The following SLC2A14 variants were observed in gnomAD, a reference collection of about 807,000 sequenced individuals.
SLC2A14 encodes solute carrier family 2, facilitated glucose transporter member 14.
Under a neutral mutation model 43.0 loss-of-function variants are expected in SLC2A14, and 13 were observed. The observed-to-expected ratio is 0.30, with a 90% CI of 0.20 to 0.48. The LOEUF is 0.48. SLC2A14 is among the 20% of genes least tolerant of loss of function. SLC2A14 has a pLI of 0.99. For synonymous variants in SLC2A14, 190 were observed against 233.8 expected (o/e 0.81, Z 1.71); for missense variants, 428 against 620.4 (o/e 0.69, Z 3.29).
chr12:7,890,880 C>G lies in SLC2A14; in HGVS notation c.132+116G>C, dbSNP rs948101529. On this transcript the variant is annotated intron_variant, in intron 1 of 9. Coordinates refer to the SLC2A14 transcript ENST00000539924. ...GTCTTGGTGGCCTTGACAGCCCCCA[C>G]TTAACACACTGTGCTGATTAAGAGA... 6 of 1,223,790 alleles carry G rather than the reference C, an allele frequency of 4.9e-6. No individual in the cohort carries two copies. The African/African-American group carries it at 7.6e-5, about 16-fold the overall frequency. The allele number at this position is 1,223,790 out of a possible 1,614,324, so 75.8% of individuals were successfully genotyped here. A position where few individuals can be genotyped will look rare whatever the true frequency, so the allele number is the denominator to read the frequency against.
intron 1 of SLC2A14, among the ~76,000 whole-genome samples, chr12:7,888,665 G>T (rs1022851369): frequency 1.3e-5 from 2 of 151,900 alleles, no homozygotes; most frequent in East Asian, 3.9e-4. Context: ...AGGCGTGGTG[G>T]TGCATGCCTG....
chr12:7,829,197 G>A (rs1592179366), intron 5 of SLC2A14, among the ~76,000 whole-genome samples: 1 of 152,078 alleles, frequency 6.6e-6, no homozygotes, highest in Non-Finnish European at 1.5e-5. Context: ...GGGCGACAGA[G>A]TGAGACTCCG....
At chr12:7,824,150 G>A (rs1012016935) in intron 7 of SLC2A14, among the ~76,000 whole-genome samples, 2 of 151,978 alleles carry the variant, frequency 1.3e-5, no homozygotes, top group Non-Finnish European at 2.9e-5. Context: ...CAGCTACTCA[G>A]GAGGCTGAGA....
intron 7 of SLC2A14, among the ~76,000 whole-genome samples, chr12:7,825,114 G>A (rs1864227769): frequency 6.6e-6 from 1 of 152,092 alleles, no homozygotes; most frequent in African/African-American, 2.4e-5. Context: ...ATGATTATAT[G>A]TGGAGCAAAA....
chr12:7,881,604 CG>C (rs1196342798), intron 1 of SLC2A14, among the ~76,000 whole-genome samples: 2 of 152,142 alleles, frequency 1.3e-5, no homozygotes, highest in African/African-American at 4.8e-5. Context: ...CCGACAAGCG[CG>C]GCCTCCTGCT....
At position 7,885,110 on chromosome 12, in the gene SLC2A14, T is replaced by A. The variant is rs1465020560; in HGVS notation, c.132+5886A>T. 2.6e-5 allele frequency among the ~76,000 whole-genome samples: 4 copies of A among 152,264 alleles called. No individual in the cohort carries two copies. In the East Asian group the frequency reaches 7.7e-4, roughly 29 times the overall value. ...AAAAGCCTTTAGTTAGAGTACAATC[T>A]GACAAATCCAAAGCTGAACCATGAG... On this transcript the variant is annotated intron_variant, in intron 1 of 9. Coordinates refer to the SLC2A14 transcript ENST00000539924.
chr12:7,869,411 C>T lies in SLC2A14; in HGVS notation c.18+452G>A, dbSNP rs956972698. Among the ~76,000 whole-genome samples the T allele has an allele frequency of 2.4e-4, 37 of 152,158 alleles. 1 individual carries two copies. Among genetic ancestry groups the T allele is most frequent in the Non-Finnish European group, 4.4e-5 (3 of 68,022 alleles). On this transcript the variant is annotated intron_variant, in intron 2 of 10. Coordinates refer to ENST00000431042, the MANE Select transcript of SLC2A14 (RefSeq NM_001286234.2). ...CTGAATACATTTTCTTGATCTTTATCACAGTATGCAAGTACAATGACTCAG... is the reference window on the plus strand; with the variant it reads ...CTGAATACATTTTCTTGATCTTTATTACAGTATGCAAGTACAATGACTCAG...
intron 1 of SLC2A14, among the ~76,000 whole-genome samples, chr12:7,880,630 C>T (rs1945551105): frequency 6.8e-6 from 1 of 147,100 alleles, no homozygotes; most frequent in Non-Finnish European, 1.5e-5. Context: ...AGATCGAGAC[C>T]ATCCTGGCCA....
chr12:7,860,309 G>C (rs1944475546), intron 2 of SLC2A14: 1 of 152,218 alleles, frequency 6.6e-6, no homozygotes, highest in Non-Finnish European at 1.5e-5. Context: ...GAAGATAAAA[G>C]GAAAGGAAAT....
chr12:7,875,174 A>AAATATATATATTTAAT (rs1945439090), upstream of SLC2A14, among the ~76,000 whole-genome samples: 3 of 12,100 alleles, frequency 2.5e-4, no homozygotes, highest in Non-Finnish European at 7.8e-4. Context: ...ATATTTAATT[A>AAATATATATATTTAAT]TATATAATAT....
rs1412826171 is a variant in SLC2A14, at chr12:7,813,804, AAAAT to A, written c.*508_*511del. ...TATTATTTGGCAAAATTACACTTAA[AAAAT>A]AAATATTTATGTAATTAAACCAGAG... On this transcript the variant is annotated 3_prime_UTR_variant, in exon 11 of 11. Transcript: ENST00000431042. 6.4e-6 allele frequency: 1 copy of A among 155,944 alleles called. No individual in the cohort carries two copies. The highest frequency in any genetic ancestry group is 1.4e-5 in the Non-Finnish European group (1 of 69,958). The allele number at this position is 155,944 out of a possible 1,614,324, so 9.7% of individuals were successfully genotyped here.
At chr12:7,859,106 A>G (rs1323190511) in intron 2 of SLC2A14, among the ~76,000 whole-genome samples, 2 of 152,100 alleles carry the variant, frequency 1.3e-5, no homozygotes, top group Non-Finnish European at 2.9e-5. Flanking sequence ...TCAGTTGAAC[A>G]GGCTGGGCGT....
intron 2 of SLC2A14, among the ~76,000 whole-genome samples, chr12:7,840,629 G>A (rs182433488): frequency 7.9e-5 from 12 of 152,202 alleles, no homozygotes; most frequent in South Asian, 2.1e-4. Context: ...CAGGTGATCC[G>A]CCCACCTGGG....
At chr12:7,852,414 A>T (rs1208585607) in intron 2 of SLC2A14, among the ~76,000 whole-genome samples, 1 of 152,200 alleles carries the variant, frequency 6.6e-6, no homozygotes, top group East Asian at 1.9e-4. Context: ...TAGAAAGATT[A>T]TTCACAGATG....
intron 3 of SLC2A14, 87 bp from the exon 4 acceptor site, chr12:7,831,851 G>A (rs10772787): frequency 0.56 from 856,233 of 1,531,282 alleles, 243,785 homozygotes; most frequent in Non-Finnish European, 0.59. Flanking sequence ...GCTCACGCCT[G>A]TAATCCCAGC....
chr12:7,859,809 A>T (rs1205332081), intron 2 of SLC2A14, among the ~76,000 whole-genome samples: 2 of 152,204 alleles, frequency 1.3e-5, no homozygotes, highest in Non-Finnish European at 1.5e-5. Flanking sequence ...CATAAGAGTT[A>T]CAAACGAAAT....
chr12:7,823,696 G>A (rs2120708132), intron 7 of SLC2A14, among the ~76,000 whole-genome samples: 1 of 150,516 alleles, frequency 6.6e-6, no homozygotes, highest in Admixed American at 6.7e-5. Flanking sequence ...CCCCAGCCTG[G>A]GCAATAAGAG....
chr12:7,861,969 A>AAC (rs1555143063), intron 2 of SLC2A14, among the ~76,000 whole-genome samples: 4 of 148,058 alleles, frequency 2.7e-5, no homozygotes, highest in African/African-American at 7.5e-5. Context: ...TTCAAAAAAA[A>AAC]AAAAACAAAA....
rs781222329 is a variant in SLC2A14 at position 7,859,095 on chromosome 12, A to G, written c.18+10768T>C. Among the ~76,000 whole-genome samples the G allele has an allele frequency of 2.6e-5, 4 of 152,216 alleles. No homozygotes were observed. In the South Asian group the frequency reaches 8.3e-4, roughly 32 times the overall value. ...AATAATCTTGGCACCCTTGTCAAAA[A>G]TCAGTTGAACAGGCTGGGCGTGATG... On this transcript the variant is annotated intron_variant, in intron 2 of 10. Transcript: ENST00000431042.
Sources: gnomAD v4.1 joint callset for allele counts (sites outside exome capture counted in the v4.1 genomes callset) on GRCh38, gnomAD v4.1.1 for gene constraint, MANE v1.5 for transcripts, NCBI Gene and HGNC (gene_info 2026-07-23, HGNC 2026-07-21) for gene names.